Variants in CFAP47 observed in about 807,000 individuals in gnomAD.
CFAP47 encodes the protein cilia- and flagella-associated protein 47.
CFAP47 carries 29 observed loss-of-function variants against 148.1 expected under a neutral mutation model. The ratio of observed to expected loss-of-function variants is 0.20; its 90% confidence interval spans 0.15 to 0.27. The LOEUF is 0.27. CFAP47 is among the 10% of genes least tolerant of loss of function. The probability of loss-of-function intolerance (pLI) is 1.00; values close to 1 mark genes in which losing one functional copy is unlikely to be tolerated. For synonymous variants in CFAP47, 664 were observed against 577.3 expected (o/e 1.15, Z -2.15); for missense variants, 1,872 against 1,697.5 (o/e 1.10, Z -1.81).
intron 39 of CFAP47, among the ~76,000 whole-genome samples, chrX:36,173,246 A>T (rs919875148): frequency 1.8e-5 from 2 of 110,844 alleles, no homozygotes; most frequent in Non-Finnish European, 3.8e-5. Flanking sequence ...CTTTCAAAAA[A>T]CCAGCTCCTG....
intron 48 of CFAP47, among the ~76,000 whole-genome samples, chrX:36,237,228 A>G (rs1333814876): frequency 8.9e-6 from 1 of 112,850 alleles, no homozygotes; most frequent in Non-Finnish European, 1.9e-5. Flanking sequence ...ACAAAATTTC[A>G]GAAGTGTAGC....
intron 62 of CFAP47, 98 bp downstream of exon 62, chrX:36,367,225 G>GC: frequency 5.0e-6 from 3 of 598,554 alleles, no homozygotes; most frequent in Non-Finnish European, 7.2e-6. Context: ...TCTTTTGCTG[G>GC]TTAAGCCAGC....
intron 3 of CFAP47, among the ~76,000 whole-genome samples, chrX:35,946,669 C>A (rs1369899725): frequency 1.8e-5 from 2 of 112,023 alleles, no homozygotes; most frequent in African/African-American, 6.5e-5. Flanking sequence ...ATTGTGCTAA[C>A]ATTTTGTTTT....
In CFAP47 at chrX:36,125,784, G is replaced by A. The variant is rs908945561; in HGVS notation, c.5321-12174G>A. ...ACAAGCAACTATCATATTCCATAAT[G>A]TTCAGAGTTATTGTGTAGATAATTC... On this transcript the variant is annotated intron_variant, in intron 33 of 63. Transcript: ENST00000378653. 3.6e-5 allele frequency among the ~76,000 whole-genome samples: 4 copies of A among 111,215 alleles called. No individual in the cohort carries two copies. The South Asian group carries it at 1.1e-3, about 31-fold the overall frequency.
chrX:36,308,104 G>A (rs7881144), intron 55 of CFAP47, among the ~76,000 whole-genome samples: 675 of 111,333 alleles, frequency 6.1e-3, no homozygotes, highest in African/African-American at 0.021. Flanking sequence ...CTATTCAAGG[G>A]CAGTCTTAGA....
chrX:36,303,876 T>G lies in CFAP47; in HGVS notation c.7998T>G (p.Val2666=). The G allele has an allele frequency of 8.8e-7, 1 of 1,142,072 alleles. No homozygotes were observed. Among genetic ancestry groups the G allele is most frequent in the Non-Finnish European group, 1.2e-6 (1 of 855,556 alleles). 94.1% of individuals were successfully genotyped at this position (1,142,072 alleles called of 1,213,427 possible). ...GKHVTQIIPL[V]NCTHETLKLQ... ...ATGTCACTCAGATCATTCCTTTAGTTAATTGTACGCATGAAACCTTAAAAT... is the reference window on the plus strand; with the variant it reads ...ATGTCACTCAGATCATTCCTTTAGTGAATTGTACGCATGAAACCTTAAAAT... Residue 2666 remains valine, a synonymous_variant, in exon 54 of 64, where the codon GTT becomes GTG. Transcript: ENST00000378653.
intron 57 of CFAP47, among the ~76,000 whole-genome samples, chrX:36,331,446 A>G (rs1259336344): frequency 9.0e-6 from 1 of 110,797 alleles, no homozygotes; most frequent in Non-Finnish European, 1.9e-5. Flanking sequence ...CCTAATTTAT[A>G]TTTCCAACTA....
chrX:36,024,811 C>T (rs1262832407), intron 22 of CFAP47, among the ~76,000 whole-genome samples: 1 of 111,494 alleles, frequency 9.0e-6, no homozygotes, highest in Non-Finnish European at 1.9e-5. Flanking sequence ...CAGCCTCTTT[C>T]AGTGTTATGA....
intron 2 of CFAP47, among the ~76,000 whole-genome samples, chrX:35,939,575 G>A (rs1406660295): frequency 3.8e-4 from 34 of 89,798 alleles, no homozygotes; most frequent in African/African-American, 1.3e-3. Context: ...ATAGTTTACT[G>A]AGAATGATGA....
chrX:36,278,094 G>A lies in CFAP47; in HGVS notation c.7445-2393G>A, dbSNP rs144495829. Among the ~76,000 whole-genome samples the A allele has an allele frequency of 8.3e-3, 930 of 112,218 alleles. 6 individuals are homozygous for A. The highest frequency in any genetic ancestry group is 0.029 in the African/African-American group (887 of 30,959). ...TGTCTGTTCTCAGAGCTCAAACACC[G>A]TGCTGGGAGAACCACTGCTCTCTTC... On this transcript the variant is annotated intron_variant, in intron 49 of 63. Coordinates refer to ENST00000378653, the MANE Select transcript of CFAP47 (RefSeq NM_001304548.2).
At chrX:36,157,802 T>C (rs1435516616) in intron 37 of CFAP47, among the ~76,000 whole-genome samples, 3 of 111,447 alleles carry the variant, frequency 2.7e-5, no homozygotes, top group Admixed American at 9.6e-5. Context: ...TATATAGTGA[T>C]GTACTTTAGA....
intron 62 of CFAP47, among the ~76,000 whole-genome samples, chrX:36,378,502 T>G (rs1172138756): frequency 8.9e-6 from 1 of 112,183 alleles, no homozygotes; most frequent in African/African-American, 3.2e-5. Flanking sequence ...CATTGAATAG[T>G]TCCAATTTGT....
chrX:36,226,524 T>C (rs1940272278), intron 45 of CFAP47, among the ~76,000 whole-genome samples: 1 of 111,638 alleles, frequency 9.0e-6, no homozygotes, highest in Non-Finnish European at 1.9e-5. Context: ...AATAAAATTA[T>C]TTTGGATATT....
intron 27 of CFAP47, among the ~76,000 whole-genome samples, chrX:36,068,026 C>T (rs1937673258): frequency 8.9e-6 from 1 of 111,777 alleles, no homozygotes; most frequent in Non-Finnish European, 1.9e-5. Flanking sequence ...AATATCATTG[C>T]TAGGTGGATG....
intron 8 of CFAP47, among the ~76,000 whole-genome samples, chrX:35,962,032 C>A (rs1475251871): frequency 9.0e-6 from 1 of 111,179 alleles, no homozygotes; most frequent in Non-Finnish European, 1.9e-5. Context: ...TTTTCTTCAT[C>A]CCAAAATAAT....
At chrX:36,101,361 C>T (rs1938372594) in intron 32 of CFAP47, among the ~76,000 whole-genome samples, 1 of 112,150 alleles carries the variant, frequency 8.9e-6, no homozygotes, top group Non-Finnish European at 1.9e-5. Flanking sequence ...AGCATAGCTT[C>T]CAGTGTCCCA....
intron 3 of CFAP47, 147 bp from the exon 4 acceptor site, chrX:35,948,167 C>G: frequency 4.5e-6 from 2 of 443,954 alleles, no homozygotes; most frequent in Non-Finnish European, 7.8e-6. Flanking sequence ...GGGCTGCATT[C>G]AAAGCCGTCC....
Position 35,975,786 on chromosome X carries a change from C to T in CFAP47, c.2586C>T (p.Gly862=), listed in dbSNP as rs764049481. Residue 862 remains glycine, a synonymous_variant, in exon 15 of 64, where the codon GGC becomes GGT. Coordinates refer to ENST00000378653, the MANE Select transcript of CFAP47 (RefSeq NM_001304548.2). ...SSNELVLRPR[G]FFMKTCFRGT... ...ATGAGCTAGTATTGAGACCACGAGG[C>T]TTCTTCATGAAAACATGTTTTCGGG... is the stretch of plus-strand genomic sequence containing the variant. 8.3e-7 allele frequency: 1 copy of T among 1,210,739 alleles called. No individual in the cohort carries two copies. The highest frequency in any genetic ancestry group is 2.2e-5 in the Admixed American group (1 of 45,966).
intron 24 of CFAP47, among the ~76,000 whole-genome samples, chrX:36,038,052 G>A (rs1220008045): frequency 9.0e-6 from 1 of 111,455 alleles, no homozygotes; most frequent in African/African-American, 3.3e-5. Flanking sequence ...TACTTGATCA[G>A]GTAAAGGGCT....
Sources: allele counts gnomAD v4.1 joint callset (sites outside exome capture counted in the v4.1 genomes callset), GRCh38; gene constraint gnomAD v4.1.1; transcripts MANE v1.5; gene names NCBI Gene and HGNC (gene_info 2026-07-23, HGNC 2026-07-21).